NEK11: variants seen among roughly 807,000 people sequenced by gnomAD.
NEK11 encodes the protein serine/threonine-protein kinase Nek11.
Under a neutral mutation model 80.7 loss-of-function variants are expected in NEK11, and 72 were observed. The ratio of observed to expected loss-of-function variants is 0.89; its 90% CI spans 0.74 to 1.08. The LOEUF is 1.08. NEK11 is among the 50% of genes least tolerant of loss of function. The pLI, the probability that NEK11 is intolerant of heterozygous loss-of-function variation, is 0.00. For missense variants in NEK11, 764 were observed against 763.6 expected (o/e 1.00, Z -0.01); for synonymous variants, 251 against 260.7 (o/e 0.96, Z 0.36).
intron 17 of NEK11, among the ~76,000 whole-genome samples, chr3:131,302,135 T>G (rs1465146142): frequency 6.6e-6 from 1 of 152,156 alleles, no homozygotes; most frequent in East Asian, 1.9e-4. Context: ...GTTTTTCAGT[T>G]TGTGTGCATA....
chr3:131,340,956 TTTTA>T (rs1392493794), intron 17 of NEK11, among the ~76,000 whole-genome samples: 14 of 152,330 alleles, frequency 9.2e-5, no homozygotes, highest in Admixed American at 9.2e-4. Flanking sequence ...TATAAATTCT[TTTTA>T]TTTGAGATAC....
intron 17 of NEK11, among the ~76,000 whole-genome samples, chr3:131,283,696 GA>G (rs1435314136): frequency 6.6e-6 from 1 of 152,036 alleles, no homozygotes; most frequent in African/African-American, 2.4e-5. Context: ...AAATCTCATT[GA>G]AAAAGTGCTA....
At chr3:131,104,226 A>C (rs1490466473) in intron 4 of NEK11, among the ~76,000 whole-genome samples, 1 of 152,110 alleles carries the variant, frequency 6.6e-6, no homozygotes, top group East Asian at 1.9e-4. Flanking sequence ...TGGCAGTGAC[A>C]GAGGGCCTGT....
At chr3:131,115,902 TTTTC>T (rs201604189) in intron 5 of NEK11, among the ~76,000 whole-genome samples, 4,151 of 70,082 alleles carry the variant, frequency 0.059, 299 homozygotes, top group Middle Eastern at 0.1. Context: ...AAAGGTAGTG[TTTTC>T]TTTCTTTCTT....
intron 17 of NEK11, among the ~76,000 whole-genome samples, chr3:131,338,229 T>C (rs763552774): frequency 1.7e-4 from 25 of 150,948 alleles, no homozygotes; most frequent in South Asian, 6.3e-4. Context: ...CCTCCCAAAG[T>C]GTTGGGATTA....
intron 14 of NEK11, among the ~76,000 whole-genome samples, chr3:131,172,210 A>T (rs1049092228): frequency 6.6e-6 from 1 of 152,184 alleles, no homozygotes; most frequent in Middle Eastern, 3.2e-3. Flanking sequence ...GAATGCAGAG[A>T]TGGATTTCAG....
intron 17 of NEK11, among the ~76,000 whole-genome samples, chr3:131,318,316 C>T (rs889833059): frequency 8.5e-5 from 13 of 152,068 alleles, no homozygotes; most frequent in Non-Finnish European, 2.9e-5. Flanking sequence ...TAAAATGAAG[C>T]AGTTACTTTC....
At chr3:131,173,294 C>G (rs2092802984) in intron 14 of NEK11, among the ~76,000 whole-genome samples, 1 of 151,958 alleles carries the variant, frequency 6.6e-6, no homozygotes, top group Non-Finnish European at 1.5e-5. Context: ...TGGATCGGAC[C>G]CTTTTCCAGT....
rs368671962 is a variant in NEK11, at chr3:131,142,455, A to G, written c.647+8499A>G. 1.8e-4 allele frequency among the ~76,000 whole-genome samples: 28 copies of G among 152,336 alleles called. No homozygotes were observed. The East Asian group carries it at 2.7e-3, about 15-fold the overall frequency. On this transcript the variant is annotated intron_variant, in intron 7 of 17. Transcript: ENST00000383366. Reference sequence around the variant, plus strand: ...CATCATAAAAGAGCCTCTGGAGATCATATAAAATTATTAAAGCAGTTGGAA... The same window carrying G: ...CATCATAAAAGAGCCTCTGGAGATCGTATAAAATTATTAAAGCAGTTGGAA...
chr3:131,062,201 T>C (rs1470225510), intron 3 of NEK11, among the ~76,000 whole-genome samples: 1 of 152,200 alleles, frequency 6.6e-6, no homozygotes, highest in Non-Finnish European at 1.5e-5. Flanking sequence ...TGTGTAGCAG[T>C]ATAACTACAG....
At chr3:131,101,929 A>ATAGT (rs1425137795) in intron 4 of NEK11, among the ~76,000 whole-genome samples, 2 of 152,188 alleles carry the variant, frequency 1.3e-5, no homozygotes, top group Non-Finnish European at 2.9e-5. Context: ...TATGTTTGGT[A>ATAGT]TAGTTAAGCC....
chr3:131,116,872 A>G (rs2081325060), intron 5 of NEK11, among the ~76,000 whole-genome samples: 3 of 152,212 alleles, frequency 2.0e-5, no homozygotes, highest in Admixed American at 2.0e-4. Context: ...GATTCTGGAT[A>G]TTAGCCCTTT....
At chr3:131,181,973 A>G (rs2093380742) in intron 14 of NEK11, among the ~76,000 whole-genome samples, 2 of 151,380 alleles carry the variant, frequency 1.3e-5, no homozygotes, top group Non-Finnish European at 2.9e-5. Context: ...GAAATTTATG[A>G]TAGGCATTTT....
In NEK11 at chr3:131,228,573, C is replaced by T. The variant is rs2095261012; in HGVS notation, c.1445C>T (p.Ala482Val). 1.2e-6 allele frequency: 2 copies of T among 1,613,324 alleles called. No homozygotes were observed. Among genetic ancestry groups the T allele is most frequent in the Non-Finnish European group, 1.7e-6 (2 of 1,179,422 alleles). The change falls in exon 15 of 18, where the codon GCA (alanine) becomes GTA (valine). Residue 482 changes from alanine (A) to valine (V), a missense_variant. Ala to Val is a moderately conservative substitution (Grantham distance 64). Coordinates refer to ENST00000383366, the MANE Select transcript of NEK11 (RefSeq NM_024800.5). ...GTGGCTGAAGAGTACTACGCTGATGCATTTGATTCCTATTGTGAAGAGAGT... is the reference window on the plus strand; with the variant it reads ...GTGGCTGAAGAGTACTACGCTGATGTATTTGATTCCTATTGTGAAGAGAGT... ...PLVAEEYYADAFDSYCEESDE... is the reference protein window; with the variant it reads ...PLVAEEYYADVFDSYCEESDE...
At chr3:131,140,000 G>A (rs2086529592) in intron 7 of NEK11, among the ~76,000 whole-genome samples, 1 of 152,076 alleles carries the variant, frequency 6.6e-6, no homozygotes, top group Admixed American at 6.6e-5. Context: ...GATCCATAGG[G>A]GCATGTGGCA....
chr3:131,268,972 GGAGGA>G (rs1213946195), intron 16 of NEK11, among the ~76,000 whole-genome samples: 4 of 152,222 alleles, frequency 2.6e-5, no homozygotes, highest in African/African-American at 9.6e-5. Context: ...TGCCCAGAGA[GGAGGA>G]ATCTAGAGAG....
At chr3:131,210,260 G>A (rs148112583) in intron 14 of NEK11, among the ~76,000 whole-genome samples, 2,025 of 152,056 alleles carry the variant, frequency 0.013, 39 homozygotes, top group African/African-American at 0.045. Context: ...CAGGTTGTTC[G>A]GTTTCCATGT....
intron 5 of NEK11, among the ~76,000 whole-genome samples, chr3:131,116,928 C>T (rs1325474920): frequency 6.6e-6 from 1 of 152,224 alleles, no homozygotes; most frequent in African/African-American, 2.4e-5. Flanking sequence ...CTGTAGGTTG[C>T]CTGTTCACTC....
chr3:131,336,460 A>C (rs2097185938), intron 17 of NEK11, among the ~76,000 whole-genome samples: 1 of 152,216 alleles, frequency 6.6e-6, no homozygotes, highest in South Asian at 2.1e-4. Context: ...CTTATACAAA[A>C]ATTAATTCAA....
Sources: gnomAD v4.1 joint callset for allele counts (sites outside exome capture counted in the v4.1 genomes callset) on GRCh38, gnomAD v4.1.1 for gene constraint, MANE v1.5 for transcripts, NCBI Gene and HGNC (gene_info 2026-07-23, HGNC 2026-07-21) for gene names.